Variants in KIAA1328 observed in about 807,000 individuals in gnomAD.
KIAA1328 encodes protein hinderin.
A neutral mutation model predicts 68.1 loss-of-function variants in KIAA1328; 52 were observed. The ratio of observed to expected loss-of-function variants is 0.76; its 90% CI spans 0.61 to 0.96. The LOEUF (loss-of-function observed/expected upper bound fraction) is 0.96, where lower values mean the gene tolerates loss of function less well. KIAA1328 is among the 40% of genes least tolerant of loss of function. The pLI is 0.00. For missense variants in KIAA1328, 641 were observed against 677.6 expected, an observed-to-expected ratio of 0.95 and a Z score of 0.60; for synonymous variants, 232 against 239.4, an observed-to-expected ratio of 0.97 and a Z score of 0.28.
intron 5 of KIAA1328, among the ~76,000 whole-genome samples, chr18:36,917,914 C>T (rs1174660960): frequency 4.6e-5 from 7 of 152,104 alleles, no homozygotes; most frequent in Non-Finnish European, 1.0e-4. Context: ...TAGTTGGCAC[C>T]TCCCCTCCCA....
chr18:36,984,337 A>G (rs570130973), intron 6 of KIAA1328, among the ~76,000 whole-genome samples: 2 of 152,232 alleles, frequency 1.3e-5, no homozygotes, highest in Admixed American at 6.5e-5. Context: ...TATAAATAGC[A>G]TGACCATCTA....
intron 4 of KIAA1328, among the ~76,000 whole-genome samples, chr18:36,851,686 T>C (rs905348722): frequency 6.6e-6 from 1 of 151,894 alleles, no homozygotes; most frequent in African/African-American, 2.4e-5. Context: ...TTACATTATC[T>C]CTTATTTTCT....
intron 7 of KIAA1328, among the ~76,000 whole-genome samples, chr18:37,101,923 A>G (rs979450611): frequency 1.3e-5 from 2 of 152,220 alleles, no homozygotes; most frequent in Non-Finnish European, 2.9e-5. Context: ...ACTAAGCTTC[A>G]TAAGTGAAGG....
At chr18:37,092,161 G>A (rs1336775121) in intron 7 of KIAA1328, among the ~76,000 whole-genome samples, 1 of 152,024 alleles carries the variant, frequency 6.6e-6, no homozygotes, top group Non-Finnish European at 1.5e-5. Flanking sequence ...CACTGCTGCT[G>A]GCACACGTGC....
chr18:37,191,249 A>AT (rs2059899528), intron 9 of KIAA1328, among the ~76,000 whole-genome samples: 1 of 152,112 alleles, frequency 6.6e-6, no homozygotes, highest in South Asian at 2.1e-4. Context: ...CTTTTTTTAA[A>AT]TTTAACTTCT....
At chr18:36,876,134 T>G (rs1289820991) in intron 4 of KIAA1328, among the ~76,000 whole-genome samples, 1 of 152,180 alleles carries the variant, frequency 6.6e-6, no homozygotes, top group Admixed American at 6.5e-5. Context: ...TTTCTTTTTT[T>G]GTTGCGTCTC....
At position 36,989,123 on chromosome 18, in the gene KIAA1328, G is replaced by A. The variant is rs76276494; in HGVS notation, c.576+29688G>A. Among the ~76,000 whole-genome samples, 154 of 152,050 alleles carry A rather than the reference G, an allele frequency of 1.0e-3. 2 individuals are homozygous for A. Among genetic ancestry groups the A allele is most frequent in the African/African-American group, 3.7e-3 (152 of 41,452 alleles). Reference sequence around the variant, plus strand: ...TTATGTTGAGTTATTCATCTTTTATGCCTACGACATTCAGCCTGAATACTT... The same window carrying A: ...TTATGTTGAGTTATTCATCTTTTATACCTACGACATTCAGCCTGAATACTT... On this transcript the variant is annotated intron_variant, in intron 6 of 9. Transcript: ENST00000280020.
chr18:37,222,484 CAT>C lies in KIAA1328; in HGVS notation c.*259_*260del. Reference sequence around the variant, plus strand: ...TATGCTAAACAGATTAGAAAATTAACATAGGATACTTTCTGCGTGGTGGAAAC... The same window carrying C: ...TATGCTAAACAGATTAGAAAATTAACAGGATACTTTCTGCGTGGTGGAAAC... On this transcript the variant is annotated 3_prime_UTR_variant, in exon 10 of 10. Coordinates refer to ENST00000280020, the MANE Select transcript of KIAA1328 (RefSeq NM_020776.3). 1 of 1,287,762 alleles carries C rather than the reference CAT, an allele frequency of 7.8e-7. No individual in the cohort carries two copies. Among genetic ancestry groups the C allele is most frequent in the South Asian group, 1.8e-5 (1 of 56,136 alleles). 79.8% of individuals were successfully genotyped at this position (1,287,762 alleles called of 1,614,324 possible).
Position 37,067,468 on chromosome 18 carries a change from G to T in KIAA1328, c.1155G>T (p.Gln385His). The change falls in exon 7 of 10, where the codon CAG (glutamine) becomes CAT (histidine). Residue 385 changes from glutamine to histidine, a missense_variant. Transcript: ENST00000280020. ...TGGAAATTGAAAAGGAGCGCCTTCA[G>T]CATCTGCTGGCCCAGCAGGAGACAA... ...MELEIEKERL[Q>H]HLLAQQETKL... 1 of 1,559,698 alleles carries T rather than the reference G, an allele frequency of 6.4e-7. No individual in the cohort carries two copies. The highest frequency in any genetic ancestry group is 8.7e-7 in the Non-Finnish European group (1 of 1,153,250).
chr18:36,895,276 G>GT (rs1317389605), intron 5 of KIAA1328, among the ~76,000 whole-genome samples: 1 of 152,242 alleles, frequency 6.6e-6, no homozygotes, highest in East Asian at 1.9e-4. Context: ...TGTGACTTTG[G>GT]TAAGTCATTG....
intron 7 of KIAA1328, among the ~76,000 whole-genome samples, chr18:37,147,057 A>G (rs1369465462): frequency 6.6e-6 from 1 of 152,090 alleles, no homozygotes; most frequent in African/African-American, 2.4e-5. Flanking sequence ...ACCTCTCACC[A>G]TGTACTATCT....
intron 5 of KIAA1328, among the ~76,000 whole-genome samples, chr18:36,939,718 C>T (rs1190098243): frequency 6.6e-6 from 1 of 152,064 alleles, no homozygotes; most frequent in Non-Finnish European, 1.5e-5. Context: ...ATAATGTCAG[C>T]TGTGGGCTTT....
intron 6 of KIAA1328, among the ~76,000 whole-genome samples, chr18:36,984,320 CTTTA>C (rs890090621): frequency 3.3e-5 from 5 of 152,130 alleles, no homozygotes; most frequent in Non-Finnish European, 5.9e-5. Flanking sequence ...ATAAAATATT[CTTTA>C]TTTATAAATA....
chr18:36,882,927 A>T (rs2048369792), intron 4 of KIAA1328, among the ~76,000 whole-genome samples: 1 of 152,182 alleles, frequency 6.6e-6, no homozygotes, highest in Non-Finnish European at 1.5e-5. Flanking sequence ...CTTCATATCT[A>T]CATATGGCTT....
chr18:37,098,410 C>T (rs1272082057), intron 7 of KIAA1328, among the ~76,000 whole-genome samples: 2 of 152,166 alleles, frequency 1.3e-5, no homozygotes, highest in African/African-American at 4.8e-5. Flanking sequence ...AGCCTTGCAT[C>T]CCAGGGATGA....
intron 7 of KIAA1328, among the ~76,000 whole-genome samples, chr18:37,132,772 GA>G (rs2058552528): frequency 6.6e-6 from 1 of 152,168 alleles, no homozygotes; most frequent in Admixed American, 6.5e-5. Context: ...GAAATGTTAA[GA>G]GTTGCCTTTA....
chr18:36,829,150 G>A lies in KIAA1328; in HGVS notation c.12G>A (p.Val4=). 6.5e-7 allele frequency: 1 copy of A among 1,534,430 alleles called. No homozygotes were observed. Among genetic ancestry groups the A allele is most frequent in the South Asian group, 1.2e-5 (1 of 82,582 alleles). Residue 4 remains valine, a synonymous_variant, in exon 1 of 10, where the codon GTG becomes GTA. Transcript: ENST00000280020. MAD[V]AGPSRPSAAA... is the part of the protein sequence containing the mutation. ...GCGGTTGTTTCAAGATGGCGGACGT[G>A]GCGGGCCCCTCCCGCCCCAGTGCCG...
At chr18:36,846,357 C>G (rs1205998068) in intron 4 of KIAA1328, among the ~76,000 whole-genome samples, 2 of 151,576 alleles carry the variant, frequency 1.3e-5, no homozygotes, top group African/African-American at 4.8e-5. Flanking sequence ...CATTACAAGA[C>G]ATAACCTTTT....
intron 5 of KIAA1328, among the ~76,000 whole-genome samples, chr18:36,909,819 G>A (rs530092628): frequency 3.3e-5 from 5 of 152,100 alleles, no homozygotes; most frequent in Non-Finnish European, 5.9e-5. Flanking sequence ...TTTAATGATC[G>A]CCATTCTAAC....
Sources: gnomAD v4.1 joint callset for allele counts (sites outside exome capture counted in the v4.1 genomes callset) on GRCh38, gnomAD v4.1.1 for gene constraint, MANE v1.5 for transcripts, NCBI Gene and HGNC (gene_info 2026-07-23, HGNC 2026-07-21) for gene names.